TEK: variants seen among roughly 807,000 people sequenced by gnomAD.
TEK encodes TEK receptor tyrosine kinase, also known as angiopoietin-1 receptor.
TEK carries 43 observed loss-of-function variants against 131.8 expected under a neutral mutation model. That is an observed-to-expected ratio of 0.33 (90% CI 0.26 to 0.42). The LOEUF is 0.42. Among genes scored for constraint, TEK ranks in the 10% least tolerant of loss-of-function variants. The pLI is 1.00. For synonymous variants in TEK, 580 were observed against 491.6 expected, an observed-to-expected ratio of 1.18 and a Z score of -2.38; for missense variants, 1,162 against 1,384.4, an observed-to-expected ratio of 0.84 and a Z score of 2.55.
intron 1 of TEK, among the ~76,000 whole-genome samples, chr9:27,139,653 T>C (rs1317121209): frequency 6.6e-6 from 1 of 152,002 alleles, no homozygotes; most frequent in East Asian, 1.9e-4. Context: ...AGAAGTTGGT[T>C]TTCTTTTTTT....
intron 11 of TEK, among the ~76,000 whole-genome samples, chr9:27,193,973 T>G (rs1027298636): frequency 6.6e-6 from 1 of 152,058 alleles, no homozygotes; most frequent in Non-Finnish European, 1.5e-5. Context: ...TCTGGCTACT[T>G]CAAAAAATTT....
At chr9:27,217,880 G>A (rs1825875640) in intron 19 of TEK, 122 bp downstream of exon 19, 1 of 866,826 alleles carries the variant, frequency 1.2e-6, no homozygotes, top group African/African-American at 1.7e-5. Flanking sequence ...TAACTAAAAA[G>A]CTCAGGAAAT....
chr9:27,109,597 T>A lies in TEK; in HGVS notation c.7T>A (p.Ser3Thr). The change falls in exon 1 of 23, where the codon TCT becomes ACT. Residue 3 changes from serine (S) to threonine (T), a missense_variant. Around this residue, in one of 6 missense-constraint regions of TEK, gnomAD observed 436 missense variants for 539.1 expected, o/e 0.81. Transcript: ENST00000380036. The part of the protein sequence containing the change: MD[S>T]LASLVLCGVS... ...TGGAGAGATTTGGGGAAGCATGGAC[T>A]CTTTAGCCAGCTTAGTTCTCTGTGG... 6.2e-7 allele frequency: 1 copy of A among 1,614,220 alleles called. No homozygotes were observed. Among genetic ancestry groups the A allele is most frequent in the Non-Finnish European group, 8.5e-7 (1 of 1,180,026 alleles).
intron 1 of TEK, among the ~76,000 whole-genome samples, chr9:27,143,556 C>T (rs1474297868): frequency 2.0e-5 from 3 of 152,152 alleles, no homozygotes; most frequent in Admixed American, 1.3e-4. Flanking sequence ...CAGCCCATGA[C>T]CAGAATATCT....
chr9:27,217,510 G>GACTT (rs1388483517), intron 18 of TEK, among the ~76,000 whole-genome samples, 178 bp from the exon 19 acceptor site: 2 of 47,770 alleles, frequency 4.2e-5, no homozygotes, highest in African/African-American at 2.6e-4. Context: ...AGATAAATAG[G>GACTT]ACTTATACTG....
intron 17 of TEK, 100 bp downstream of exon 17, chr9:27,212,997 C>T (rs947246971): frequency 1.5e-6 from 2 of 1,295,364 alleles, no homozygotes; most frequent in African/African-American, 3.0e-5. Context: ...TCTTCTTTAA[C>T]TCCTTCTTAA....
chr9:27,172,801 G>A (rs1401613043), intron 5 of TEK, 54 bp downstream of exon 5: 3 of 1,606,582 alleles, frequency 1.9e-6, no homozygotes, highest in Non-Finnish European at 2.6e-6. Context: ...CATCGTTGCT[G>A]GATCTAGAAT....
At chr9:27,211,035 T>A (rs1375239782) in intron 16 of TEK, among the ~76,000 whole-genome samples, 1 of 151,788 alleles carries the variant, frequency 6.6e-6, no homozygotes, top group Non-Finnish European at 1.5e-5. Context: ...GGCAGGAGAA[T>A]CGCTTGAACC....
intron 21 of TEK, among the ~76,000 whole-genome samples, chr9:27,224,851 GA>G (rs980057092): frequency 3.3e-5 from 5 of 152,164 alleles, no homozygotes; most frequent in African/African-American, 1.2e-4. Flanking sequence ...TGTATTTCTA[GA>G]AAACCCCATT....
intron 21 of TEK, among the ~76,000 whole-genome samples, chr9:27,223,396 A>G (rs1826171058): frequency 6.6e-6 from 1 of 152,198 alleles, no homozygotes; most frequent in Admixed American, 6.5e-5. Flanking sequence ...GCAAATGCGA[A>G]AAAACGGAAA....
chr9:27,169,660 G>T (rs1396048008), intron 4 of TEK, 31 bp downstream of exon 4: 1 of 1,613,382 alleles, frequency 6.2e-7, no homozygotes, highest in African/African-American at 1.3e-5. Context: ...CATTTGTGAT[G>T]GTGTAGTTGT....
chr9:27,155,066 T>A (rs1823280773), intron 1 of TEK, among the ~76,000 whole-genome samples: 1 of 152,206 alleles, frequency 6.6e-6, no homozygotes, highest in Non-Finnish European at 1.5e-5. Context: ...TGACTGGCCC[T>A]AGAAATGGGG....
At chr9:27,153,552 AATT>A (rs1823212426) in intron 1 of TEK, among the ~76,000 whole-genome samples, 1 of 152,216 alleles carries the variant, frequency 6.6e-6, no homozygotes, top group Non-Finnish European at 1.5e-5. Flanking sequence ...TGTTTCAGCA[AATT>A]ATTAGCCTTC....
At chr9:27,129,881 G>A (rs982794904) in intron 1 of TEK, among the ~76,000 whole-genome samples, 6 of 152,144 alleles carry the variant, frequency 3.9e-5, no homozygotes, top group African/African-American at 7.2e-5. Context: ...TGGCTTTGGG[G>A]AAAGAGATAT....
rs912224366 is a variant in TEK, at chr9:27,170,081, TGGC to T, written c.628+456_628+458del. ...GGAAGCAAACACATCCTTCTTCACA[TGGC>T]GGCAGGAGAGAGAAGAATGAGAGTG... On this transcript the variant is annotated intron_variant, in intron 4 of 22. Transcript: ENST00000380036. Among the ~76,000 whole-genome samples the T allele has an allele frequency of 3.3e-5, 5 of 152,102 alleles. No homozygotes were observed. In the East Asian group the frequency reaches 7.7e-4, roughly 23 times the overall value.
rs899733222 is a variant in TEK at position 27,206,590 on chromosome 9, A to C, written c.2373A>C (p.Glu791Asp). 6.8e-6 allele frequency: 11 copies of C among 1,613,772 alleles called. No individual in the cohort carries two copies. The highest frequency in any genetic ancestry group is 9.3e-6 in the Non-Finnish European group (11 of 1,179,940). Residue 791 changes from glutamate to aspartate, a missense_variant, in exon 15 of 23, where the codon GAA becomes GAC. Coordinates refer to ENST00000380036, the MANE Select transcript of TEK (RefSeq NM_000459.5). ...MAQAFQNVRE[E>D]PAVQFNSGTL... ...AATAATTATTTTTCCAGAGGGAAGA[A>C]CCAGCTGTGCAGTTCAACTCAGGGA...
chr9:27,175,662 T>G (rs1350159705), intron 6 of TEK, among the ~76,000 whole-genome samples: 1 of 152,082 alleles, frequency 6.6e-6, no homozygotes, highest in Non-Finnish European at 1.5e-5. Context: ...GTTTCCTGAC[T>G]TTTTAATGAT....
At chr9:27,121,452 A>T (rs565331062) in intron 1 of TEK, among the ~76,000 whole-genome samples, 21 of 149,566 alleles carry the variant, frequency 1.4e-4, no homozygotes, top group African/African-American at 3.9e-4. Context: ...TCATAAATAA[A>T]TTTTTTTTTT....
chr9:27,214,172 C>T lies in TEK; in HGVS notation c.2991+575C>T, dbSNP rs1341753874. Among the ~76,000 whole-genome samples the T allele has an allele frequency of 2.0e-5, 3 of 152,188 alleles. No individual in the cohort carries two copies. The East Asian group carries it at 5.8e-4, about 29-fold the overall frequency. ...AAGATTGCAGGAGAACCTAACCATA[C>T]AGTCTTAGAGGAAGAGAGATACTCA... On this transcript the variant is annotated intron_variant, in intron 18 of 22. Coordinates refer to ENST00000380036, the MANE Select transcript of TEK (RefSeq NM_000459.5).
Sources: gnomAD v4.1 joint callset for allele counts (sites outside exome capture counted in the v4.1 genomes callset) on GRCh38, gnomAD v4.1.1 for gene constraint, gnomAD v4.1.1 regional missense constraint, MANE v1.5 for transcripts, NCBI Gene and HGNC (gene_info 2026-07-23, HGNC 2026-07-21) for gene names.